The following AKAP11 variants were observed in gnomAD, a reference collection of about 807,000 sequenced individuals.
AKAP11 encodes the protein A-kinase anchor protein 11.
In AKAP11, 36 loss-of-function variants were observed where a neutral mutation model predicts 146.1. The ratio of observed to expected loss-of-function variants is 0.25; its 90% CI spans 0.19 to 0.33. The LOEUF (loss-of-function observed/expected upper bound fraction) is 0.33. Ranked by LOEUF, AKAP11 falls within the 10% of genes least tolerant of loss-of-function variation. The probability of loss-of-function intolerance (pLI) is 1.00; values close to 1 mark genes in which losing one functional copy is unlikely to be tolerated. For synonymous variants in AKAP11, 780 were observed against 786.5 expected (o/e 0.99, Z 0.14); for missense variants, 2,201 against 2,197.0 (o/e 1.00, Z -0.04).
chr13:42,318,986 A>T, intron 12 of AKAP11, 102 bp from the exon 13 acceptor site: 2 of 1,350,990 alleles, frequency 1.5e-6, no homozygotes, highest in Non-Finnish European at 2.0e-6. Flanking sequence ...ATTTAATTGT[A>T]AACAGCAGGA....
chr13:42,298,477 ATGT>A (rs1176407687), intron 6 of AKAP11, 53 bp from the exon 7 acceptor site: 1 of 1,558,740 alleles, frequency 6.4e-7, no homozygotes, highest in Non-Finnish European at 8.7e-7. Context: ...GCTTTACTTC[ATGT>A]TGTTTTGTAT....
chr13:42,273,773 G>GA (rs1419906267), intron 1 of AKAP11, among the ~76,000 whole-genome samples: 4 of 152,006 alleles, frequency 2.6e-5, no homozygotes, highest in African/African-American at 4.8e-5. Context: ...TTAGAGGCTG[G>GA]AAAAAATACG....
chr13:42,308,661 A>C (rs773256418), intron 9 of AKAP11, 52 bp downstream of exon 9: 1 of 1,375,416 alleles, frequency 7.3e-7, no homozygotes, highest in South Asian at 1.6e-5. Flanking sequence ...AGATCTTAGA[A>C]GTGAGCTATA....
At position 42,297,128 on chromosome 13, in the gene AKAP11, T is replaced by C; in HGVS notation, c.297T>C (p.Ile99=). 1 of 1,580,476 alleles carries C rather than the reference T, an allele frequency of 6.3e-7. No individual in the cohort carries two copies. Among genetic ancestry groups the C allele is most frequent in the Non-Finnish European group, 8.6e-7 (1 of 1,161,272 alleles). The change falls in exon 6 of 13, where the codon ATT becomes ATC. Residue 99 remains isoleucine (I), a synonymous_variant. Transcript: ENST00000025301. ...GCAGTCTAAATGAAAATGAAATTAT[T>C]TGTATGAAGAATATAAATAAACCAT... ...HFCSLNENEI[I]CMKNINKPLD... is the part of the protein sequence containing the mutation.
intron 1 of AKAP11, among the ~76,000 whole-genome samples, chr13:42,281,949 CAG>C (rs1485001594): frequency 6.6e-6 from 1 of 151,442 alleles, no homozygotes; most frequent in Non-Finnish European, 1.5e-5. Context: ...ATATGTGTGT[CAG>C]AGTTGTGTCT....
At position 42,319,729 on chromosome 13, in the gene AKAP11, A is replaced by G. The variant is rs1437378998; in HGVS notation, c.*501A>G. On this transcript the variant is annotated 3_prime_UTR_variant, in exon 13 of 13. Coordinates refer to ENST00000025301, the MANE Select transcript of AKAP11 (RefSeq NM_016248.4). The stretch of plus-strand genomic sequence containing the variant: ...TTGGCCTTTCCTGTTTTTAAAAATC[A>G]GTTTCATTTTCATATTTCATAGATC... 1 of 152,452 alleles carries G rather than the reference A, an allele frequency of 6.6e-6. No homozygotes were observed. Among genetic ancestry groups the G allele is most frequent in the Admixed American group, 6.5e-5 (1 of 15,284 alleles). 9.4% of individuals were successfully genotyped at this position (152,452 alleles called of 1,614,324 possible).
chr13:42,291,840 T>C (rs1959223399), intron 3 of AKAP11, among the ~76,000 whole-genome samples: 1 of 152,240 alleles, frequency 6.6e-6, no homozygotes, highest in Admixed American at 6.5e-5. Flanking sequence ...GTGACAAACA[T>C]CTCACCCTGA....
intron 8 of AKAP11, among the ~76,000 whole-genome samples, chr13:42,308,159 A>T (rs990447193): frequency 1.3e-5 from 2 of 152,202 alleles, no homozygotes; most frequent in African/African-American, 4.8e-5. Context: ...ATCTCAGTTG[A>T]AAAATGAACT....
At chr13:42,275,225 C>T (rs1293460039) in intron 1 of AKAP11, among the ~76,000 whole-genome samples, 3 of 152,188 alleles carry the variant, frequency 2.0e-5, no homozygotes, top group Non-Finnish European at 2.9e-5. Context: ...TTCAGATTGG[C>T]CTTCTCTTTA....
At position 42,300,752 on chromosome 13, in the gene AKAP11, A is replaced by G. The variant is rs781491954; in HGVS notation, c.2006A>G (p.Gln669Arg). Reference sequence around the variant, plus strand: ...GAGGTGTGTCAGTTTTCATATCCTCAAACGCCTGCATCTCCACAGTGTGGG... The same window carrying G: ...GAGGTGTGTCAGTTTTCATATCCTCGAACGCCTGCATCTCCACAGTGTGGG... ...IMEVCQFSYP[Q>R]TPASPQCGSF... Residue 669 changes from glutamine to arginine, a missense_variant, in exon 8 of 13, where the codon CAA (glutamine) becomes CGA (arginine). Physicochemically the swap from Gln to Arg is conservative, Grantham distance 43. This residue lies in a region of AKAP11 where 1,867 missense variants were observed against 1,833.5 expected (regional missense o/e 1.02). Coordinates refer to ENST00000025301, the MANE Select transcript of AKAP11 (RefSeq NM_016248.4). 5 of 1,613,950 alleles carry G rather than the reference A, an allele frequency of 3.1e-6. No individual in the cohort carries two copies. The African/African-American group carries it at 6.7e-5, about 22-fold the overall frequency.
At chr13:42,290,703 TTCC>T (rs1257969971) in intron 3 of AKAP11, among the ~76,000 whole-genome samples, 4 of 152,204 alleles carry the variant, frequency 2.6e-5, no homozygotes, top group African/African-American at 9.6e-5. Context: ...TTCTTCTTGA[TTCC>T]ACATTGTCCC....
intron 8 of AKAP11, among the ~76,000 whole-genome samples, chr13:42,305,054 C>T (rs1367339063): frequency 6.6e-6 from 1 of 152,140 alleles, no homozygotes; most frequent in Non-Finnish European, 1.5e-5. Context: ...ACCAGCCATG[C>T]TCAGTGATTC....
rs1179988795 is a variant in AKAP11 at position 42,286,365 on chromosome 13, A to G, written c.17A>G (p.Asn6Ser). Residue 6 changes from asparagine (N) to serine (S), a missense_variant, in exon 3 of 13, where the codon AAC becomes AGC. Asn to Ser is a conservative substitution (Grantham distance 46). Around this residue, in one of 3 missense-constraint regions of AKAP11, gnomAD observed 331 missense variants for 347.4 expected, o/e 0.95. Transcript: ENST00000025301. MATFR[N>S]NHMKTKASVR... ...AAAATAGTTATGGCGACTTTCAGAA[A>G]CAATCACATGAAGACTAAAGCATCT... 6.9e-6 allele frequency: 11 copies of G among 1,602,370 alleles called. No homozygotes were observed. The highest frequency in any genetic ancestry group is 8.5e-6 in the Non-Finnish European group (10 of 1,175,514).
At chr13:42,296,980 C>T in intron 5 of AKAP11, 68 bp from the exon 6 acceptor site, 1 of 1,430,018 alleles carries the variant, frequency 7.0e-7, no homozygotes, top group South Asian at 1.5e-5. Context: ...TGGATAGGGT[C>T]CACATTATAG....
chr13:42,301,398 A>G lies in AKAP11; in HGVS notation c.2652A>G (p.Val884=), dbSNP rs747713812. The change falls in exon 8 of 13, where the codon GTA becomes GTG. Residue 884 remains valine, a synonymous_variant. Coordinates refer to ENST00000025301, the MANE Select transcript of AKAP11 (RefSeq NM_016248.4). ...CTGCAGCAGTGGTGCATACGATAGTAAATGAAACTTTAGAGTCAATGACAT... is the reference window on the plus strand; with the variant it reads ...CTGCAGCAGTGGTGCATACGATAGTGAATGAAACTTTAGAGTCAATGACAT... ...NFSAAVVHTI[V]NETLESMTSL... 6.8e-6 allele frequency: 11 copies of G among 1,613,604 alleles called. No homozygotes were observed. The highest frequency in any genetic ancestry group is 9.3e-6 in the Non-Finnish European group (11 of 1,179,894).
chr13:42,300,516 T>C lies in AKAP11; in HGVS notation c.1770T>C (p.Ser590=). The C allele has an allele frequency of 1.9e-6, 3 of 1,614,120 alleles. No individual in the cohort carries two copies. The highest frequency in any genetic ancestry group is 2.5e-6 in the Non-Finnish European group (3 of 1,179,980). The change falls in exon 8 of 13, where the codon TCT becomes TCC. Residue 590 remains serine (S), a synonymous_variant. Transcript: ENST00000025301. ...ACTTAGCCATCAAATTGACATCATCTGTTTTGCAGATGGCATTTGATGAGC... is the reference window on the plus strand; with the variant it reads ...ACTTAGCCATCAAATTGACATCATCCGTTTTGCAGATGGCATTTGATGAGC... ...LYHLAIKLTS[S]VLQMAFDELR... is the part of the protein sequence containing the mutation.
chr13:42,294,838 T>C (rs1394569452), intron 4 of AKAP11, among the ~76,000 whole-genome samples: 1 of 152,208 alleles, frequency 6.6e-6, no homozygotes, highest in East Asian at 1.9e-4. Flanking sequence ...CCAGAGTTAA[T>C]CACTGCTTAT....
In AKAP11 at chr13:42,298,815, C is replaced by T. The variant is rs753054137; in HGVS notation, c.616+18C>T. ...CAATGATGGTTTGTTTTTCATTAGA[C>T]TTTTTCCTAAAATAGGGAATTAAAA... On this transcript the variant is annotated intron_variant, in intron 7 of 12. Coordinates refer to ENST00000025301, the MANE Select transcript of AKAP11 (RefSeq NM_016248.4). 1 of 1,535,352 alleles carries T rather than the reference C, an allele frequency of 6.5e-7. No individual in the cohort carries two copies. The highest frequency in any genetic ancestry group is 1.3e-5 in the South Asian group (1 of 75,360).
chr13:42,290,640 A>G lies in AKAP11; in HGVS notation c.52-1745A>G, dbSNP rs549409217. 1.6e-4 allele frequency among the ~76,000 whole-genome samples: 25 copies of G among 152,272 alleles called. No homozygotes were observed. In the South Asian group the frequency reaches 1.9e-3, roughly 11 times the overall value. ...AGCTCCTCTGACTTTGTCTCTTTTAATGGACTCACAGATTTTTTTTAATCC... is the reference window on the plus strand; with the variant it reads ...AGCTCCTCTGACTTTGTCTCTTTTAGTGGACTCACAGATTTTTTTTAATCC... On this transcript the variant is annotated intron_variant, in intron 3 of 12. Coordinates refer to ENST00000025301, the MANE Select transcript of AKAP11 (RefSeq NM_016248.4).
Sources: gnomAD v4.1 joint callset for allele counts (sites outside exome capture counted in the v4.1 genomes callset) on GRCh38, gnomAD v4.1.1 for gene constraint, gnomAD v4.1.1 regional missense constraint, MANE v1.5 for transcripts, NCBI Gene and HGNC (gene_info 2026-07-23, HGNC 2026-07-21) for gene names.